ABTB1: variants seen among roughly 807,000 people sequenced by gnomAD.
ABTB1 encodes the protein ankyrin repeat and BTB domain containing 1, also known as ankyrin repeat and BTB/POZ domain-containing protein 1.
A neutral mutation model predicts 57.1 loss-of-function variants in ABTB1; 45 were observed. The ratio of observed to expected loss-of-function variants is 0.79; its 90% confidence interval spans 0.62 to 1.01. The LOEUF (loss-of-function observed/expected upper bound fraction) is 1.01. ABTB1 is among the 50% of genes least tolerant of loss of function. ABTB1 has a pLI of 0.00. For synonymous variants in ABTB1, 302 were observed against 275.4 expected, an observed-to-expected ratio of 1.10 and a Z score of -0.95; for missense variants, 630 against 666.3, an observed-to-expected ratio of 0.95 and a Z score of 0.60.
In ABTB1 at chr3:127,676,373, C is replaced by G. The variant is rs1439332207; in HGVS notation, c.422C>G (p.Ala141Gly). 1 of 1,614,168 alleles carries G rather than the reference C, an allele frequency of 6.2e-7. No individual in the cohort carries two copies. Among genetic ancestry groups the G allele is most frequent in the African/African-American group, 1.3e-5 (1 of 75,048 alleles). Reference sequence around the variant, plus strand: ...CTGGGTGCACGTAGTGCCTACTTTGCCAACATGCTGGACACCAAATGGAAG... The same window carrying G: ...CTGGGTGCACGTAGTGCCTACTTTGGCAACATGCTGGACACCAAATGGAAG... ...CVLGARSAYFANMLDTKWKGK... is the reference protein window; with the variant it reads ...CVLGARSAYFGNMLDTKWKGK... Residue 141 changes from alanine (A) to glycine (G), a missense_variant, in exon 5 of 12, where the codon GCC becomes GGC. Coordinates refer to ENST00000232744, the MANE Select transcript of ABTB1 (RefSeq NM_172027.3). The surrounding 1 kb of genome is among the most constrained non-coding windows in gnomAD (Gnocchi z 5.4).
rs1341682988 is a variant in ABTB1, at chr3:127,672,978, C to A, written c.-48C>A. On this transcript the variant is annotated 5_prime_UTR_variant, in exon 1 of 12. Coordinates refer to ENST00000232744, the MANE Select transcript of ABTB1 (RefSeq NM_172027.3). ...AGCGTGTTTACATCCGCCGGGTGCG[C>A]GGCTTCGCCGCCCGAGGTCGTTCGG... The A allele has an allele frequency of 4.6e-6, 7 of 1,519,862 alleles. No individual in the cohort carries two copies. The Admixed American group carries it at 1.2e-4, about 26-fold the overall frequency. The allele number at this position is 1,519,862 out of a possible 1,614,324, so 94.1% of individuals were successfully genotyped here. A position where few individuals can be genotyped will look rare whatever the true frequency, so the allele number is the denominator to read the frequency against.
chr3:127,677,317 GT>G, intron 8 of ABTB1, 31 bp downstream of exon 8: 1 of 1,576,556 alleles, frequency 6.3e-7, no homozygotes, highest in Non-Finnish European at 8.6e-7. Flanking sequence ...CAGGAAGGGC[GT>G]TTTGGGATGG....
In ABTB1 at chr3:127,680,688, G is replaced by C; in HGVS notation, c.*213G>C. The C allele has an allele frequency of 1.4e-6, 1 of 728,672 alleles. No homozygotes were observed. Among genetic ancestry groups the C allele is most frequent in the Non-Finnish European group, 2.4e-6 (1 of 416,522 alleles). 45.1% of individuals were successfully genotyped at this position (728,672 alleles called of 1,614,324 possible). A position where few individuals can be genotyped will look rare whatever the true frequency, so the allele number is the denominator to read the frequency against. On this transcript the variant is annotated 3_prime_UTR_variant, in exon 12 of 12. Transcript: ENST00000232744. ...CCCCCTCCCCCCAATGCACAAGCCA[G>C]CCCCCAAGACCCTGGGGGTGGACAC...
At chr3:127,679,611 T>G in intron 10 of ABTB1, 1 of 479,822 alleles carries the variant, frequency 2.1e-6, no homozygotes, top group South Asian at 1.5e-5. Flanking sequence ...CCTCATGGAC[T>G]GGGAACTAGA....
At chr3:127,679,386 C>T (rs1304712964) in intron 10 of ABTB1, 1 of 369,656 alleles carries the variant, frequency 2.7e-6, no homozygotes, top group East Asian at 7.6e-5. Flanking sequence ...CAGCTTGCTC[C>T]CTGTGCCACC....
At chr3:127,674,208 C>T in intron 1 of ABTB1, 183 bp from the exon 2 acceptor site, 1 of 687,928 alleles carries the variant, frequency 1.5e-6, no homozygotes, top group Non-Finnish European at 2.5e-6. Context: ...ACCCCACCTC[C>T]ACATCCTTGC....
At chr3:127,675,571 G>A (rs1370435) in intron 3 of ABTB1, 9,173 of 209,178 alleles carry the variant, frequency 0.044, 784 homozygotes, top group African/African-American at 0.18. Context: ...GAGCTGCCAC[G>A]CCCAGGCTTG....
rs1332748872 is a variant in ABTB1 at position 127,673,012 on chromosome 3, C to T, written c.-14C>T. On this transcript the variant is annotated 5_prime_UTR_variant, in exon 1 of 12. Coordinates refer to ENST00000232744, the MANE Select transcript of ABTB1 (RefSeq NM_172027.3). ...CGCCCGAGGTCGTTCGGCTCGGGTA[C>T]CATCCTCCGCGCCATGGACACCAGC... 6 of 1,559,760 alleles carry T rather than the reference C, an allele frequency of 3.8e-6. No homozygotes were observed. The highest frequency in any genetic ancestry group is 2.5e-5 in the East Asian group (1 of 40,620).
rs1233631323 is a variant in ABTB1, at chr3:127,680,254, C to A, written c.1231-15C>A. On this transcript the variant is annotated splice_polypyrimidine_tract_variant and intron_variant, in intron 11 of 11. Coordinates refer to ENST00000232744, the MANE Select transcript of ABTB1 (RefSeq NM_172027.3). ...GCAGGCACCCCTCCACTGAGCTGGC[C>A]CTTCCCGCTCATAGCTGGTGGAGCG... 2 of 1,613,402 alleles carry A rather than the reference C, an allele frequency of 1.2e-6. No individual in the cohort carries two copies. Among genetic ancestry groups the A allele is most frequent in the African/African-American group, 2.7e-5 (2 of 74,932 alleles).
In ABTB1 at chr3:127,674,386, C is replaced by T. The variant is rs780672598; in HGVS notation, c.57-5C>T. 22 of 1,606,672 alleles carry T rather than the reference C, an allele frequency of 1.4e-5. No homozygotes were observed. Among genetic ancestry groups the T allele is most frequent in the Non-Finnish European group, 1.8e-5 (21 of 1,177,492 alleles). On this transcript the variant is annotated splice_polypyrimidine_tract_variant and splice_region_variant and intron_variant, in intron 1 of 11. Coordinates refer to ENST00000232744, the MANE Select transcript of ABTB1 (RefSeq NM_172027.3). ...GACCCAGGCTCTGACCTCCTTCCTG[C>T]CCAGGTACCTGCTGGAGCAGCGAGA...
At chr3:127,679,867 C>G (rs2075084393) in intron 10 of ABTB1, 118 bp from the exon 11 acceptor site, 1 of 977,920 alleles carries the variant, frequency 1.0e-6, no homozygotes, top group African/African-American at 1.6e-5. Context: ...AGCTCCTACT[C>G]CCACTGGAAG....
intron 3 of ABTB1, 36 bp downstream of exon 3, chr3:127,674,636 G>A: frequency 6.2e-7 from 1 of 1,612,994 alleles, no homozygotes; most frequent in Non-Finnish European, 8.5e-7. Flanking sequence ...GGTGTGCGTG[G>A]GTGCATGCAT....
chr3:127,680,229 G>T, intron 11 of ABTB1, 40 bp from the exon 12 acceptor site: 1 of 1,612,826 alleles, frequency 6.2e-7, no homozygotes, highest in African/African-American at 1.3e-5. Flanking sequence ...GGGTGAGAGG[G>T]CAGGCACCCC....
At chr3:127,675,907 C>A in intron 3 of ABTB1, 63 bp from the exon 4 acceptor site, 1 of 1,572,090 alleles carries the variant, frequency 6.4e-7, no homozygotes, top group Non-Finnish European at 8.7e-7. Context: ...GGAGGAGGGA[C>A]AGGGAGATTA....
In ABTB1 at chr3:127,673,030, A is replaced by G. The variant is rs753473091; in HGVS notation, c.5A>G (p.Asp2Gly). The G allele has an allele frequency of 7.0e-6, 11 of 1,570,870 alleles. No homozygotes were observed. In the Admixed American group the frequency reaches 1.8e-4, roughly 25 times the overall value. The change falls in exon 1 of 12, where the codon GAC (aspartate) becomes GGC (glycine). Residue 2 changes from aspartate to glycine, a missense_variant. Physicochemically the swap from Asp to Gly is moderately conservative, Grantham distance 94 (BLOSUM62 -1). Around this residue, in one of 3 missense-constraint regions of ABTB1, gnomAD observed 579 missense variants for 585.9 expected, o/e 0.99. Coordinates refer to ENST00000232744, the MANE Select transcript of ABTB1 (RefSeq NM_172027.3). ...TCGGGTACCATCCTCCGCGCCATGG[A>G]CACCAGCGACCTGTTCGCCAGCTGC... MDTSDLFASCRK... is the reference protein window; with the variant it reads MGTSDLFASCRK...
Position 127,680,601 on chromosome 3 carries a change from AG to A in ABTB1, c.*127del. 3 of 1,191,704 alleles carry A rather than the reference AG, an allele frequency of 2.5e-6. No homozygotes were observed. The highest frequency in any genetic ancestry group is 3.7e-6 in the Non-Finnish European group (3 of 813,392). 73.8% of individuals were successfully genotyped at this position (1,191,704 alleles called of 1,614,324 possible). A position where few individuals can be genotyped will look rare whatever the true frequency, so the allele number is the denominator to read the frequency against. ...GCTTCATGGGGGGTGCGAGGGGCTC[AG>A]TGGGGCTTCTCTTCCCTCCATGAGC... On this transcript the variant is annotated 3_prime_UTR_variant, in exon 12 of 12. Transcript: ENST00000232744.
In ABTB1 at chr3:127,680,567, A is replaced by C; in HGVS notation, c.*92A>C. 1 of 1,481,968 alleles carries C rather than the reference A, an allele frequency of 6.7e-7. No individual in the cohort carries two copies. Among genetic ancestry groups the C allele is most frequent in the Non-Finnish European group, 9.3e-7 (1 of 1,075,216 alleles). The allele number at this position is 1,481,968 out of a possible 1,614,324, so 91.8% of individuals were successfully genotyped here. A position where few individuals can be genotyped will look rare whatever the true frequency, so the allele number is the denominator to read the frequency against. On this transcript the variant is annotated 3_prime_UTR_variant, in exon 12 of 12. Coordinates refer to ENST00000232744, the MANE Select transcript of ABTB1 (RefSeq NM_172027.3). ...TGCAGCTCTTCTTCCTGCTCCCTGCACATTGAGGGCTTCATGGGGGGTGCG... is the reference window on the plus strand; with the variant it reads ...TGCAGCTCTTCTTCCTGCTCCCTGCCCATTGAGGGCTTCATGGGGGGTGCG...
chr3:127,679,532 A>T (rs770641770), intron 10 of ABTB1: 15 of 458,160 alleles, frequency 3.3e-5, no homozygotes, highest in South Asian at 2.0e-4. Context: ...GAGTCCCTGC[A>T]TAGGTCTTGA....
intron 10 of ABTB1, chr3:127,678,142 C>T (rs1262832781): frequency 2.9e-6 from 1 of 348,158 alleles, no homozygotes; most frequent in Non-Finnish European, 5.4e-6. Context: ...GGACAGCCTC[C>T]TCTCTGTGGT....
Sources: gnomAD v4.1 joint callset for allele counts on GRCh38, gnomAD v4.1.1 for gene constraint, gnomAD v4.1.1 regional missense constraint, Gnocchi (gnomAD v3.1) non-coding constraint, MANE v1.5 for transcripts, NCBI Gene and HGNC (gene_info 2026-07-23, HGNC 2026-07-21) for gene names.